EML4: variants seen among roughly 807,000 people sequenced by gnomAD.
The protein encoded by EML4 is echinoderm microtubule-associated protein-like 4.
Under a neutral mutation model 129.0 loss-of-function variants are expected in EML4, and 72 were observed. That is an observed-to-expected ratio of 0.56 (90% CI 0.46 to 0.68). The LOEUF (loss-of-function observed/expected upper bound fraction) is 0.68, where lower values mean the gene tolerates loss of function less well. Ranked by LOEUF, EML4 falls within the 30% of genes least tolerant of loss-of-function variation. EML4 has a pLI of 0.00. For synonymous variants in EML4, 532 were observed against 405.0 expected, an observed-to-expected ratio of 1.31 and a Z score of -3.77; for missense variants, 1,363 against 1,190.6, an observed-to-expected ratio of 1.14 and a Z score of -2.13.
Position 42,169,365 on chromosome 2 carries a change from G to A in EML4, c.-247G>A, listed in dbSNP as rs1302559344. On this transcript the variant is annotated 5_prime_UTR_variant, in exon 1 of 23. Transcript: ENST00000318522. ...GGCGCGGCGCGGCGCGGCGCTCGCG[G>A]CTGCTGCCTGGGAGGGAGGCCGGGC... 9.1e-6 allele frequency: 2 copies of A among 220,500 alleles called. No individual in the cohort carries two copies. Among genetic ancestry groups the A allele is most frequent in the African/African-American group, 2.3e-5 (1 of 43,236 alleles). 13.7% of individuals were successfully genotyped at this position (220,500 alleles called of 1,614,324 possible).
At chr2:42,255,946 T>C (rs1399017579) in intron 2 of EML4, among the ~76,000 whole-genome samples, 1 of 152,244 alleles carries the variant, frequency 6.6e-6, no homozygotes, top group Non-Finnish European at 1.5e-5. Context: ...TTAGTATAGA[T>C]AGGACTGTTT....
intron 1 of EML4, among the ~76,000 whole-genome samples, chr2:42,235,662 A>T (rs1385697462): frequency 6.6e-6 from 1 of 152,010 alleles, no homozygotes; most frequent in Non-Finnish European, 1.5e-5. Flanking sequence ...TTAACAACTT[A>T]TTTGTTCTTG....
chr2:42,228,056 C>CA (rs1373834296), intron 1 of EML4, among the ~76,000 whole-genome samples: 2 of 151,924 alleles, frequency 1.3e-5, no homozygotes, highest in African/African-American at 4.8e-5. Flanking sequence ...CCCATCTCTA[C>CA]AAAAAATACA....
chr2:42,291,028 T>C (rs577236248), intron 11 of EML4, among the ~76,000 whole-genome samples: 3 of 152,294 alleles, frequency 2.0e-5, no homozygotes, highest in South Asian at 2.1e-4. Flanking sequence ...TCAAGACTTA[T>C]GTAATTAAGA....
chr2:42,178,746 C>A (rs890553548), intron 1 of EML4, among the ~76,000 whole-genome samples: 1 of 152,170 alleles, frequency 6.6e-6, no homozygotes, highest in Admixed American at 6.5e-5. Flanking sequence ...TGCTGAAATA[C>A]ATTTTTTCCC....
chr2:42,265,362 C>A (rs997973044), intron 6 of EML4, among the ~76,000 whole-genome samples: 1 of 152,150 alleles, frequency 6.6e-6, no homozygotes, highest in Non-Finnish European at 1.5e-5. Flanking sequence ...GCCTCAGCCT[C>A]CCAAAGTGCA....
intron 1 of EML4, among the ~76,000 whole-genome samples, chr2:42,195,586 C>T (rs1286831130): frequency 6.6e-6 from 1 of 152,126 alleles, no homozygotes; most frequent in Non-Finnish European, 1.5e-5. Flanking sequence ...AATATATAGA[C>T]CATTCCATAA....
At chr2:42,185,695 T>C (rs1671208657) in intron 1 of EML4, among the ~76,000 whole-genome samples, 2 of 152,204 alleles carry the variant, frequency 1.3e-5, no homozygotes, top group South Asian at 4.1e-4. Flanking sequence ...CTGAAGAGTT[T>C]GGCTTTGGGC....
chr2:42,272,157 G>A (rs1666408911), intron 6 of EML4, among the ~76,000 whole-genome samples: 1 of 150,368 alleles, frequency 6.7e-6, no homozygotes, highest in Non-Finnish European at 1.5e-5. Context: ...AATTGTTATT[G>A]TTTTCTAGAA....
intron 14 of EML4, among the ~76,000 whole-genome samples, chr2:42,302,660 A>C (rs952430801): frequency 6.6e-6 from 1 of 151,346 alleles, no homozygotes; most frequent in Non-Finnish European, 1.5e-5. Flanking sequence ...CAGCCTCCTC[A>C]GTAGCTGGGA....
intron 3 of EML4, among the ~76,000 whole-genome samples, chr2:42,260,437 A>G (rs13031653): frequency 0.31 from 47,838 of 152,176 alleles, 8,250 homozygotes; most frequent in East Asian, 0.56. Context: ...AAGTGCTTGG[A>G]TTACAGGCGT....
chr2:42,188,077 T>C (rs1050443330), intron 1 of EML4, among the ~76,000 whole-genome samples: 1 of 152,196 alleles, frequency 6.6e-6, no homozygotes, highest in African/African-American at 2.4e-5. Context: ...ATTGAACTAA[T>C]CGGAAAGATT....
intron 1 of EML4, among the ~76,000 whole-genome samples, chr2:42,186,148 A>G (rs1671237202): frequency 6.6e-6 from 1 of 152,174 alleles, no homozygotes; most frequent in African/African-American, 2.4e-5. Flanking sequence ...AATGCTGCCT[A>G]CCTACTTTGG....
Position 42,249,003 on chromosome 2 carries a change from C to T in EML4, c.208+3316C>T, listed in dbSNP as rs560079437. ...TAATGTTATTGGCAACTCTGAACAGCTTTATCTTGGAGTTTATTTATAGCA... is the reference window on the plus strand; with the variant it reads ...TAATGTTATTGGCAACTCTGAACAGTTTTATCTTGGAGTTTATTTATAGCA... On this transcript the variant is annotated intron_variant, in intron 2 of 22. Transcript: ENST00000318522. 2.0e-5 allele frequency among the ~76,000 whole-genome samples: 3 copies of T among 152,140 alleles called. No homozygotes were observed. In the East Asian group the frequency reaches 5.8e-4, roughly 29 times the overall value.
At chr2:42,218,123 T>C (rs1256360094) in intron 1 of EML4, among the ~76,000 whole-genome samples, 1 of 152,118 alleles carries the variant, frequency 6.6e-6, no homozygotes, top group African/African-American at 2.4e-5. Context: ...TTGCAGCCGC[T>C]CCTCATCACT....
At chr2:42,204,302 A>T (rs1256938599) in intron 1 of EML4, among the ~76,000 whole-genome samples, 2 of 152,192 alleles carry the variant, frequency 1.3e-5, no homozygotes, top group Non-Finnish European at 1.5e-5. Context: ...AGTTAGTGGC[A>T]AAGACAGGTT....
intron 19 of EML4, among the ~76,000 whole-genome samples, chr2:42,322,741 T>C (rs896647305): frequency 1.3e-5 from 2 of 152,236 alleles, no homozygotes; most frequent in African/African-American, 4.8e-5. Context: ...TTGAGGCTTT[T>C]TTCTAAGCTG....
intron 1 of EML4, among the ~76,000 whole-genome samples, chr2:42,235,524 C>A (rs1209346939): frequency 6.6e-6 from 1 of 152,138 alleles, no homozygotes; most frequent in Non-Finnish European, 1.5e-5. Context: ...TTCTCATGGT[C>A]TTCACTCAAC....
chr2:42,326,368 TTAA>T, intron 21 of EML4, 116 bp downstream of exon 21: 3 of 672,320 alleles, frequency 4.5e-6, no homozygotes, highest in Non-Finnish European at 7.4e-6. Flanking sequence ...TTTATCACTA[TTAA>T]TGTCAGCCTC....
Sources: allele counts gnomAD v4.1 joint callset (sites outside exome capture counted in the v4.1 genomes callset), GRCh38; gene constraint gnomAD v4.1.1; transcripts MANE v1.5; gene names NCBI Gene and HGNC (gene_info 2026-07-23, HGNC 2026-07-21).